Variants in ROBO2 observed in about 807,000 individuals in gnomAD.
ROBO2 encodes the protein roundabout guidance receptor 2, also known as roundabout homolog 2.
In ROBO2, 53 loss-of-function variants were observed where a neutral mutation model predicts 160.8. The observed-to-expected ratio is 0.33, with a 90% CI of 0.26 to 0.41. ROBO2 has a LOEUF of 0.41. ROBO2 is among the 10% of genes least tolerant of loss of function. ROBO2 has a pLI of 1.00. For missense variants in ROBO2, 1,577 were observed against 1,722.4 expected (o/e 0.92, Z 1.49); for synonymous variants, 664 against 611.7 (o/e 1.09, Z -1.26).
chr3:77,092,610 ATAT>A lies in ROBO2; in HGVS notation c.62-5397_62-5395del, dbSNP rs761863800. On this transcript the variant is annotated intron_variant, in intron 1 of 25. Transcript: ENST00000461745. ...AATTAAATAATATATATTTTAATAT[ATAT>A]TATTATATATAATATATAAATTTGT... 2.2e-3 allele frequency among the ~76,000 whole-genome samples: 326 copies of A among 146,490 alleles called. 4 individuals are homozygous for A. The highest frequency in any genetic ancestry group is 7.2e-3 in the Middle Eastern group (2 of 278).
chr3:77,341,432 T>C (rs191267803), intron 2 of ROBO2, among the ~76,000 whole-genome samples: 66 of 152,264 alleles, frequency 4.3e-4, no homozygotes, highest in African/African-American at 1.6e-3. Flanking sequence ...TTCTCATACA[T>C]TTTAAGCCCT....
At chr3:77,157,835 A>G (rs2078146468) in intron 2 of ROBO2, among the ~76,000 whole-genome samples, 1 of 152,084 alleles carries the variant, frequency 6.6e-6, no homozygotes, top group South Asian at 2.1e-4. Flanking sequence ...TAGATATTAC[A>G]TGTCAGTGCA....
intron 23 of ROBO2, chr3:77,629,041 A>C (rs868373719): frequency 1.6e-4 from 25 of 152,330 alleles, no homozygotes; most frequent in African/African-American, 5.8e-4. Flanking sequence ...GCAGCAGGGA[A>C]AACTTCATGA....
chr3:76,440,603 G>A (rs1243249060), intron 2 of ROBO2, among the ~76,000 whole-genome samples: 1 of 152,152 alleles, frequency 6.6e-6, no homozygotes, highest in Non-Finnish European at 1.5e-5. Context: ...CAGGGGAACA[G>A]TGTAAAACAA....
At chr3:76,875,506 G>C (rs2072614683) in intron 2 of ROBO2, among the ~76,000 whole-genome samples, 2 of 152,096 alleles carry the variant, frequency 1.3e-5, no homozygotes, top group Non-Finnish European at 2.9e-5. Flanking sequence ...CTAAAATCAA[G>C]GTGTCAACAA....
chr3:76,562,043 C>T (rs1450906673), intron 2 of ROBO2, among the ~76,000 whole-genome samples: 1 of 151,966 alleles, frequency 6.6e-6, no homozygotes, highest in Non-Finnish European at 1.5e-5. Context: ...AATGGCATGC[C>T]TTATTCATCT....
chr3:77,377,091 A>T (rs2072787831), intron 2 of ROBO2, among the ~76,000 whole-genome samples: 1 of 152,160 alleles, frequency 6.6e-6, no homozygotes, highest in Non-Finnish European at 1.5e-5. Context: ...TGTGAGTTTG[A>T]CCAAAAGCTG....
At chr3:76,622,235 G>GAAGGAAGGAAGGAAGGAAAGA (rs2089186140) in intron 2 of ROBO2, among the ~76,000 whole-genome samples, 1 of 44,792 alleles carries the variant, frequency 2.2e-5, no homozygotes, top group Non-Finnish European at 4.2e-5. Context: ...AGGAAGGAAG[G>GAAGGAAGGAAGGAAGGAAAGA]AAGAAAGAAA....
chr3:77,626,469 C>T (rs774886228), intron 23 of ROBO2, among the ~76,000 whole-genome samples: 1 of 152,142 alleles, frequency 6.6e-6, no homozygotes, highest in Non-Finnish European at 1.5e-5. Context: ...TATTGCAGCT[C>T]ATTGCACTCT....
chr3:77,084,676 A>G (rs2069081532), intron 1 of ROBO2, among the ~76,000 whole-genome samples: 1 of 151,990 alleles, frequency 6.6e-6, no homozygotes, highest in African/African-American at 2.4e-5. Context: ...CCCTCCTCTG[A>G]TAAGGCTTCA....
intron 2 of ROBO2, among the ~76,000 whole-genome samples, chr3:76,815,463 A>G (rs921921817): frequency 4.6e-5 from 7 of 152,112 alleles, no homozygotes; most frequent in Non-Finnish European, 1.0e-4. Context: ...AAAAGTGTTA[A>G]CAGAATCAAC....
At chr3:76,740,417 C>A (rs2093783046) in intron 2 of ROBO2, among the ~76,000 whole-genome samples, 2 of 152,090 alleles carry the variant, frequency 1.3e-5, no homozygotes, top group Admixed American at 1.3e-4. Flanking sequence ...TTGGCTTATT[C>A]TTTAGAAAGT....
At chr3:76,671,716 C>T (rs2593867) in intron 2 of ROBO2, among the ~76,000 whole-genome samples, 1 of 151,494 alleles carries the variant, frequency 6.6e-6, no homozygotes. Flanking sequence ...GAAAATACAT[C>T]TTTTTGAAAA....
chr3:77,228,623 G>A (rs527653827), intron 2 of ROBO2, among the ~76,000 whole-genome samples: 1 of 152,026 alleles, frequency 6.6e-6, no homozygotes, highest in East Asian at 1.9e-4. Context: ...AGCATTAGGA[G>A]AAATACCTAA....
chr3:77,435,908 G>T (rs991845160), intron 2 of ROBO2, among the ~76,000 whole-genome samples: 1 of 151,152 alleles, frequency 6.6e-6, no homozygotes, highest in Admixed American at 6.6e-5. Context: ...AATGTTTTAT[G>T]ATGACAATGC....
intron 2 of ROBO2, among the ~76,000 whole-genome samples, chr3:77,447,095 C>A (rs1582020114): frequency 6.6e-6 from 1 of 152,136 alleles, no homozygotes; most frequent in Middle Eastern, 3.4e-3. Context: ...AAAAGGAAAA[C>A]CTACTTATAA....
At chr3:76,840,617 A>G (rs1384507709) in intron 2 of ROBO2, among the ~76,000 whole-genome samples, 19 of 136,760 alleles carry the variant, frequency 1.4e-4, no homozygotes, top group African/African-American at 3.8e-4. Context: ...CTCAAAAAAA[A>G]AAATTATATA....
intron 2 of ROBO2, among the ~76,000 whole-genome samples, chr3:76,985,378 C>T (rs1317348635): frequency 9.9e-5 from 15 of 151,620 alleles, no homozygotes; most frequent in South Asian, 2.1e-4. Flanking sequence ...GTCAGGAGAT[C>T]GAGACCATCC....
chr3:77,572,210 T>C (rs553905970), intron 13 of ROBO2, among the ~76,000 whole-genome samples: 15 of 152,150 alleles, frequency 9.9e-5, no homozygotes, highest in Admixed American at 3.9e-4. Context: ...GTTATGTCTT[T>C]CTTTCAGTAT....
Sources: gnomAD v4.1 joint callset for allele counts (sites outside exome capture counted in the v4.1 genomes callset) on GRCh38, gnomAD v4.1.1 for gene constraint, MANE v1.5 for transcripts, NCBI Gene and HGNC (gene_info 2026-07-23, HGNC 2026-07-21) for gene names.